Variants in LRP12 observed in about 807,000 individuals in gnomAD.
LRP12 encodes LDL receptor related protein 12.
A neutral mutation model predicts 66.0 loss-of-function variants in LRP12; 14 were observed. The observed-to-expected ratio is 0.21, with a 90% confidence interval of 0.14 to 0.33. The LOEUF (loss-of-function observed/expected upper bound fraction) is 0.33. Among genes scored for constraint, LRP12 ranks in the 10% least tolerant of loss-of-function variants. The probability of loss-of-function intolerance (pLI) is 1.00; values close to 1 mark genes in which losing one functional copy is unlikely to be tolerated. For synonymous variants in LRP12, 357 were observed against 359.1 expected (o/e 0.99, Z 0.07); for missense variants, 889 against 1,053.4 (o/e 0.84, Z 2.16).
In LRP12 at chr8:104,499,400, A is replaced by G; in HGVS notation, c.392T>C (p.Ile131Thr). The G allele has an allele frequency of 6.2e-7, 1 of 1,613,772 alleles. No individual in the cohort carries two copies. Among genetic ancestry groups the G allele is most frequent in the South Asian group, 1.1e-5 (1 of 91,064 alleles). Reference protein sequence around the residue: ...ACGSTIPPPYISSQDHIWIRF... With the variant: ...ACGSTIPPPYTSSQDHIWIRF... ...AATCCAGATGTGGTCTTGTGAAGAG[A>G]TATACGGAGGTGGAATTGTGGAACC... Residue 131 changes from isoleucine to threonine, a missense_variant, in exon 4 of 7, where the codon ATC becomes ACC. Physicochemically the swap from Ile to Thr is moderately conservative, Grantham distance 89. This residue lies in a region of LRP12 where 800 missense variants were observed against 964.5 expected (regional missense o/e 0.83). Transcript: ENST00000276654.
In LRP12 at chr8:104,508,995, T is replaced by C. The variant is rs1397833098; in HGVS notation, c.216A>G (p.Ala72=). The part of the protein sequence containing the change: ...TSPGWPSEYP[A]KINCSWFIRA... ...TTATGAACCAGCTACAGTTGATTTT[T>C]GCAGGATATTCAGAAGGCCAGCCTG... The change falls in exon 3 of 7, where the codon GCA becomes GCG. Residue 72 remains alanine, a synonymous_variant. Coordinates refer to ENST00000276654, the MANE Select transcript of LRP12 (RefSeq NM_013437.5). 2.5e-6 allele frequency: 4 copies of C among 1,613,798 alleles called. No homozygotes were observed. Among genetic ancestry groups the C allele is most frequent in the Non-Finnish European group, 3.4e-6 (4 of 1,179,846 alleles).
At chr8:104,584,755 TTA>T (rs1812304488) in intron 1 of LRP12, among the ~76,000 whole-genome samples, 1 of 152,180 alleles carries the variant, frequency 6.6e-6, no homozygotes, top group Non-Finnish European at 1.5e-5. Flanking sequence ...AAGGAAGGGT[TTA>T]TGTTAAGCAA....
rs766449316 is a variant in LRP12 at position 104,491,206 on chromosome 8, T to C, written c.2047A>G (p.Thr683Ala). 93 of 1,613,906 alleles carry C rather than the reference T, an allele frequency of 5.8e-5. No individual in the cohort carries two copies. The highest frequency in any genetic ancestry group is 6.9e-5 in the Non-Finnish European group (81 of 1,179,976). The part of the protein sequence containing the change: ...APLPQKVPPT[T>A]AVEATVGACA... ...GCTCCTACTGTCGCTTCTACTGCCG[T>C]TGTGGGAGGGACTTTTTGAGGCAAA... Residue 683 changes from threonine (T) to alanine (A), a missense_variant, in exon 7 of 7, where the codon ACG (threonine) becomes GCG (alanine). By Grantham distance (58) the Thr-to-Ala change is moderately conservative (BLOSUM62 0). Coordinates refer to ENST00000276654, the MANE Select transcript of LRP12 (RefSeq NM_013437.5).
chr8:104,528,892 C>T (rs180928437), intron 2 of LRP12, among the ~76,000 whole-genome samples: 1 of 152,072 alleles, frequency 6.6e-6, no homozygotes, highest in Non-Finnish European at 1.5e-5. Flanking sequence ...ATGTATTATT[C>T]TTCTCATTCT....
At position 104,561,881 on chromosome 8, in the gene LRP12, G is replaced by C. The variant is rs563550053; in HGVS notation, c.79+26938C>G. ...ATCCCTGGTTTCGCTTGTACTTTCT[G>C]CCCTAGAATGGAAATCAGTCATTCA... On this transcript the variant is annotated intron_variant, in intron 1 of 6. Coordinates refer to ENST00000276654, the MANE Select transcript of LRP12 (RefSeq NM_013437.5). 1.3e-3 allele frequency among the ~76,000 whole-genome samples: 191 copies of C among 152,158 alleles called. 2 individuals carry two copies. The highest frequency in any genetic ancestry group is 0.012 in the Admixed American group (180 of 15,266).
intron 2 of LRP12, among the ~76,000 whole-genome samples, chr8:104,524,434 T>C (rs950105678): frequency 6.6e-6 from 1 of 152,108 alleles, no homozygotes; most frequent in Non-Finnish European, 1.5e-5. Flanking sequence ...ACCACCATGT[T>C]GTTCAAGGGT....
chr8:104,522,718 T>C (rs61129183), intron 2 of LRP12, among the ~76,000 whole-genome samples: 3,488 of 152,222 alleles, frequency 0.023, 94 homozygotes, highest in African/African-American at 0.062. Context: ...CTGTTCCTAT[T>C]AGCAACCAGA....
At chr8:104,523,946 T>G (rs1811189054) in intron 2 of LRP12, among the ~76,000 whole-genome samples, 1 of 152,108 alleles carries the variant, frequency 6.6e-6, no homozygotes, top group Non-Finnish European at 1.5e-5. Flanking sequence ...TAGCTAACTT[T>G]AAGAATACAG....
chr8:104,583,291 C>T (rs1812284042), intron 1 of LRP12, among the ~76,000 whole-genome samples: 2 of 152,136 alleles, frequency 1.3e-5, no homozygotes, highest in Non-Finnish European at 2.9e-5. Context: ...TAATCTCATC[C>T]TGTCACTCTC....
chr8:104,513,985 A>G (rs1331686814), intron 2 of LRP12, among the ~76,000 whole-genome samples: 1 of 152,208 alleles, frequency 6.6e-6, no homozygotes, highest in Non-Finnish European at 1.5e-5. Flanking sequence ...TTCTGAATCT[A>G]CATCATCTCA....
intron 1 of LRP12, among the ~76,000 whole-genome samples, chr8:104,567,915 G>T (rs12678962): frequency 0.19 from 28,217 of 151,940 alleles, 3,305 homozygotes; most frequent in African/African-American, 0.34. Context: ...GCCTAGAAAT[G>T]GATAAACTAA....
chr8:104,548,169 A>ATTATAT (rs1171661536), intron 1 of LRP12, among the ~76,000 whole-genome samples: 83 of 47,730 alleles, frequency 1.7e-3, no homozygotes, highest in African/African-American at 0.01. Context: ...ATTATTATAT[A>ATTATAT]TAATATAATA....
At chr8:104,562,130 A>C (rs569795776) in intron 1 of LRP12, among the ~76,000 whole-genome samples, 15 of 152,282 alleles carry the variant, frequency 9.9e-5, no homozygotes, top group African/African-American at 2.9e-4. Context: ...AAATTATTTT[A>C]ATTCCACTGT....
At chr8:104,565,983 A>C in intron 1 of LRP12, 3 of 134,492 alleles carry the variant, frequency 2.2e-5, no homozygotes, top group South Asian at 2.7e-4. Context: ...GGCGACGGGG[A>C]GAGGGGGAGA....
At chr8:104,588,167 G>A (rs1167136028) in intron 1 of LRP12, among the ~76,000 whole-genome samples, 2 of 152,206 alleles carry the variant, frequency 1.3e-5, no homozygotes, top group East Asian at 1.9e-4. Context: ...CAGGACAGAT[G>A]TGTACACCCT....
intron 1 of LRP12, among the ~76,000 whole-genome samples, chr8:104,551,306 C>T (rs969529928): frequency 5.3e-5 from 8 of 152,038 alleles, no homozygotes; most frequent in Non-Finnish European, 7.4e-5. Context: ...TGTATTAGTA[C>T]GTATTGAGTT....
intron 1 of LRP12, among the ~76,000 whole-genome samples, chr8:104,543,638 T>C (rs1026752683): frequency 3.9e-5 from 6 of 152,274 alleles, no homozygotes; most frequent in Admixed American, 3.9e-4. Flanking sequence ...AAGCTATAAA[T>C]GGGCTGGGCA....
chr8:104,523,133 G>C (rs966848554), intron 2 of LRP12, among the ~76,000 whole-genome samples: 1 of 152,020 alleles, frequency 6.6e-6, no homozygotes, highest in African/African-American at 2.4e-5. Flanking sequence ...AACAACATGG[G>C]TTTGAATTGT....
intron 2 of LRP12, among the ~76,000 whole-genome samples, chr8:104,510,827 CTGT>C (rs925531262): frequency 6.6e-6 from 1 of 151,874 alleles, no homozygotes; most frequent in African/African-American, 2.4e-5. Context: ...AAAGGTAAGA[CTGT>C]TGTATTATAT....
Sources: allele counts gnomAD v4.1 joint callset (sites outside exome capture counted in the v4.1 genomes callset), GRCh38; gene constraint gnomAD v4.1.1; regional missense constraint gnomAD v4.1.1; transcripts MANE v1.5; gene names NCBI Gene and HGNC (gene_info 2026-07-23, HGNC 2026-07-21).